The following WWOX variants were observed in gnomAD, a reference collection of about 807,000 sequenced individuals.
WWOX encodes WW domain containing oxidoreductase, also known as WW domain-containing oxidoreductase.
In WWOX, 69 loss-of-function variants were observed where a neutral mutation model predicts 46.2. The ratio of observed to expected loss-of-function variants is 1.49; its 90% CI spans 1.23 to 1.82. The LOEUF (loss-of-function observed/expected upper bound fraction) is 1.82, where lower values mean the gene tolerates loss of function less well. Among genes scored for constraint, WWOX ranks in the 40% most tolerant of loss-of-function variants. WWOX has a pLI of 0.00. For missense variants in WWOX, 919 were observed against 542.6 expected, an observed-to-expected ratio of 1.69 and a Z score of -6.89; for synonymous variants, 359 against 202.6, an observed-to-expected ratio of 1.77 and a Z score of -6.56.
At chr16:79,197,470 C>T (rs1334330845) in intron 8 of WWOX, among the ~76,000 whole-genome samples, 1 of 151,798 alleles carries the variant, frequency 6.6e-6, no homozygotes, top group Non-Finnish European at 1.5e-5. Context: ...CCTGCACTGC[C>T]CCCCTCCAGT....
intron 8 of WWOX, among the ~76,000 whole-genome samples, chr16:79,098,661 C>T (rs2049127658): frequency 6.6e-6 from 1 of 152,104 alleles, no homozygotes; most frequent in African/African-American, 2.4e-5. Flanking sequence ...CTAAAATGTG[C>T]AGGGTGTAGA....
At chr16:78,647,192 C>T (rs993303003) in intron 8 of WWOX, among the ~76,000 whole-genome samples, 1 of 152,166 alleles carries the variant, frequency 6.6e-6, no homozygotes, top group Non-Finnish European at 1.5e-5. Context: ...ACTGAACCAA[C>T]ATGAGTCACT....
At chr16:79,096,036 TTTGGTA>T (rs1389414219) in intron 8 of WWOX, among the ~76,000 whole-genome samples, 41 of 147,076 alleles carry the variant, frequency 2.8e-4, no homozygotes, top group African/African-American at 9.9e-4. Context: ...TTTTTTTTTT[TTTGGTA>T]TTTTTGGTAA....
At chr16:78,210,840 A>C (rs1005795547) in intron 5 of WWOX, among the ~76,000 whole-genome samples, 1 of 152,174 alleles carries the variant, frequency 6.6e-6, no homozygotes, top group Non-Finnish European at 1.5e-5. Flanking sequence ...TATGTTATCT[A>C]CATTCTCTAA....
chr16:78,745,774 CT>C (rs1159825038), intron 8 of WWOX, among the ~76,000 whole-genome samples: 1 of 151,406 alleles, frequency 6.6e-6, no homozygotes, highest in Non-Finnish European at 1.5e-5. Flanking sequence ...TTTCCCCCCC[CT>C]TCAAATAGTT....
chr16:78,722,728 A>G (rs1162037974), intron 8 of WWOX, among the ~76,000 whole-genome samples: 2 of 147,718 alleles, frequency 1.4e-5, no homozygotes, highest in African/African-American at 5.0e-5. Flanking sequence ...TTTTCCTCTA[A>G]ATAAACAAAG....
At chr16:79,121,966 G>T (rs577482333) in intron 8 of WWOX, among the ~76,000 whole-genome samples, 1 of 152,148 alleles carries the variant, frequency 6.6e-6, no homozygotes, top group South Asian at 2.1e-4. Flanking sequence ...TACGTGCTAC[G>T]GATTTAATAT....
chr16:78,674,484 C>T (rs1286018176), intron 8 of WWOX, among the ~76,000 whole-genome samples: 1 of 151,976 alleles, frequency 6.6e-6, no homozygotes, highest in African/African-American at 2.4e-5. Flanking sequence ...GGGGTTTCAC[C>T]ATGTTAGCCA....
intron 4 of WWOX, among the ~76,000 whole-genome samples, chr16:78,128,407 A>C (rs1235175414): frequency 6.6e-6 from 1 of 152,156 alleles, no homozygotes; most frequent in African/African-American, 2.4e-5. Flanking sequence ...TAAGAAGGGA[A>C]CCTGCAGAGG....
chr16:78,636,283 A>G (rs543825877), intron 8 of WWOX, among the ~76,000 whole-genome samples: 69 of 152,254 alleles, frequency 4.5e-4, no homozygotes, highest in Non-Finnish European at 6.0e-4. Context: ...CTGTGTGTCA[A>G]TTGCTCTACC....
chr16:78,687,839 C>G (rs534005122), intron 8 of WWOX, among the ~76,000 whole-genome samples: 1 of 152,042 alleles, frequency 6.6e-6, no homozygotes, highest in Non-Finnish European at 1.5e-5. Flanking sequence ...CTCAAGTAGG[C>G]GTTTTTAAAT....
At chr16:78,718,092 G>GTTTTTTTTTTTTTTTTTTTTTTTTTT in intron 8 of WWOX, among the ~76,000 whole-genome samples, 6 of 139,668 alleles carry the variant, frequency 4.3e-5, no homozygotes, top group African/African-American at 1.2e-4. Flanking sequence ...GGTTCTGGTG[G>GTTTTTTTTTTTTTTTTTTTTTTTTTT]TTGTATTTTT....
At chr16:79,127,813 T>C (rs1161596350) in intron 8 of WWOX, among the ~76,000 whole-genome samples, 2 of 152,122 alleles carry the variant, frequency 1.3e-5, no homozygotes, top group African/African-American at 4.8e-5. Context: ...TACATGTGGA[T>C]GGGAAGGTGC....
chr16:78,406,744 A>G (rs2082557748), intron 6 of WWOX, among the ~76,000 whole-genome samples: 1 of 151,208 alleles, frequency 6.6e-6, no homozygotes, highest in African/African-American at 2.4e-5. Context: ...CTCCTGCCTC[A>G]GCCTCCCCAG....
chr16:78,793,501 A>C (rs1312804433), intron 8 of WWOX, among the ~76,000 whole-genome samples: 2 of 152,152 alleles, frequency 1.3e-5, no homozygotes, highest in Non-Finnish European at 1.5e-5. Context: ...ATATGGCTTC[A>C]TTTTTTAAAT....
chr16:78,623,823 C>G (rs894368828), intron 8 of WWOX, among the ~76,000 whole-genome samples: 20 of 151,758 alleles, frequency 1.3e-4, no homozygotes, highest in African/African-American at 3.9e-4. Flanking sequence ...AATATACATA[C>G]ATTACTGGGA....
At chr16:79,104,510 C>T (rs559218346) in intron 8 of WWOX, among the ~76,000 whole-genome samples, 1 of 152,220 alleles carries the variant, frequency 6.6e-6, no homozygotes, top group South Asian at 2.1e-4. Flanking sequence ...AAGGATAGAT[C>T]AGTAATTTCC....
At chr16:79,065,360 A>G (rs1037628076) in intron 8 of WWOX, among the ~76,000 whole-genome samples, 4 of 152,164 alleles carry the variant, frequency 2.6e-5, no homozygotes, top group African/African-American at 7.2e-5. Context: ...TTTGGAGGCT[A>G]GTGTTCTTCC....
intron 8 of WWOX, among the ~76,000 whole-genome samples, chr16:78,562,820 A>T (rs901547177): frequency 6.6e-6 from 1 of 152,168 alleles, no homozygotes; most frequent in Non-Finnish European, 1.5e-5. Flanking sequence ...ACAGAAAAGC[A>T]TGAGCCCCTC....
Sources: allele counts gnomAD v4.1 joint callset (sites outside exome capture counted in the v4.1 genomes callset), GRCh38; gene constraint gnomAD v4.1.1; transcripts MANE v1.5; gene names NCBI Gene and HGNC (gene_info 2026-07-23, HGNC 2026-07-21).